Variants in DPP6 observed in about 807,000 individuals in gnomAD.
DPP6 encodes the protein dipeptidyl peptidase like 6, also known as A-type potassium channel modulatory protein DPP6.
DPP6 carries 69 observed loss-of-function variants against 122.6 expected under a neutral mutation model. The ratio of observed to expected loss-of-function variants is 0.56; its 90% CI spans 0.46 to 0.69. The LOEUF (loss-of-function observed/expected upper bound fraction) is 0.69. Ranked by LOEUF, DPP6 falls within the 30% of genes least tolerant of loss-of-function variation. The pLI, the probability that DPP6 is intolerant of heterozygous loss-of-function variation, is 0.00. For synonymous variants in DPP6, 418 were observed against 433.1 expected (o/e 0.97, Z 0.43); for missense variants, 928 against 1,116.9 (o/e 0.83, Z 2.41).
At chr7:154,029,869 G>A (rs1254740157) in intron 1 of DPP6, among the ~76,000 whole-genome samples, 1 of 142,750 alleles carries the variant, frequency 7.0e-6, no homozygotes, top group Non-Finnish European at 1.5e-5. Context: ...AAAGAAAAAA[G>A]AAAAAAAGAA....
At chr7:154,583,422 T>C (rs938254888) in intron 5 of DPP6, among the ~76,000 whole-genome samples, 1 of 152,218 alleles carries the variant, frequency 6.6e-6, no homozygotes, top group Admixed American at 6.5e-5. Context: ...GGCTGCCCTC[T>C]GGCTGCCTCC....
rs1039309413 is a variant in DPP6 at position 154,554,625 on chromosome 7, T to A, written c.553-12217T>A. 9.2e-5 allele frequency among the ~76,000 whole-genome samples: 14 copies of A among 152,194 alleles called. No individual in the cohort carries two copies. The East Asian group carries it at 9.6e-4, about 10-fold the overall frequency. Reference sequence around the variant, plus strand: ...CTAGAATTTTATATAAATGGGATCATCATACATGTAGACCAATATTTTTAA... The same window carrying A: ...CTAGAATTTTATATAAATGGGATCAACATACATGTAGACCAATATTTTTAA... On this transcript the variant is annotated intron_variant, in intron 4 of 25. Transcript: ENST00000377770.
rs1799813485 is a variant in DPP6 at position 154,821,900 on chromosome 7, A to G, written c.1666+14788A>G. Among the ~76,000 whole-genome samples, 1 of 152,070 alleles carries G rather than the reference A, an allele frequency of 6.6e-6. No individual in the cohort carries two copies. The highest frequency in any genetic ancestry group is 1.5e-5 in the Non-Finnish European group (1 of 68,014). On this transcript the variant is annotated intron_variant, in intron 16 of 25. Coordinates refer to ENST00000377770, the MANE Select transcript of DPP6 (RefSeq NM_130797.4). This position sits in a 1 kb window ranked among gnomAD's most constrained non-coding sequence, Gnocchi z 4.2. ...GTTAATCACCGTCATCCTCCAGGAA[A>G]TTCACAGTAAGCCTTTGCAGACCCA...
intron 1 of DPP6, among the ~76,000 whole-genome samples, chr7:154,014,466 C>T (rs1443129420): frequency 2.0e-5 from 3 of 150,566 alleles, no homozygotes; most frequent in Non-Finnish European, 4.4e-5. Flanking sequence ...ACCAACCTGC[C>T]CAACATGGTG....
intron 1 of DPP6, among the ~76,000 whole-genome samples, chr7:154,096,806 T>G (rs1805353533): frequency 6.6e-6 from 1 of 152,244 alleles, no homozygotes; most frequent in South Asian, 2.1e-4. Context: ...GATTTCTAGT[T>G]TATCCTTTCT....
chr7:154,507,705 A>T (rs540956862), intron 3 of DPP6, among the ~76,000 whole-genome samples: 1 of 152,276 alleles, frequency 6.6e-6, no homozygotes, highest in African/African-American at 2.4e-5. Flanking sequence ...CCCAATAAAG[A>T]AATCTCTCAG....
chr7:154,840,937 C>T (rs1166337676), intron 16 of DPP6, among the ~76,000 whole-genome samples: 1 of 152,196 alleles, frequency 6.6e-6, no homozygotes, highest in African/African-American at 2.4e-5. Flanking sequence ...CAATTGGCGA[C>T]TTGCTGTTAA....
Position 154,057,351 on chromosome 7 carries a change from C to T in DPP6, c.243+4288C>T, listed in dbSNP as rs192451609. The T allele has an allele frequency of 1.1e-4, 21 of 192,560 alleles. 1 individual carries two copies. The South Asian group carries it at 2.0e-3, about 18-fold the overall frequency. The allele number at this position is 192,560 out of a possible 1,614,324, so 11.9% of individuals were successfully genotyped here. A position where few individuals can be genotyped will look rare whatever the true frequency, so the allele number is the denominator to read the frequency against. ...TCACAGGGTGGGGAGACACCCCCCG[C>T]GAGGCGGGGACTGAGAGCCAGCCCC... On this transcript the variant is annotated intron_variant, in intron 1 of 25. Coordinates refer to ENST00000377770, the MANE Select transcript of DPP6 (RefSeq NM_130797.4).
chr7:154,250,542 T>C (rs1227257979), intron 1 of DPP6, among the ~76,000 whole-genome samples: 1 of 152,182 alleles, frequency 6.6e-6, no homozygotes, highest in Non-Finnish European at 1.5e-5. Flanking sequence ...TTCCTTACTT[T>C]TTCTGATCCT....
chr7:154,461,700 T>G (rs1177700890), intron 2 of DPP6, among the ~76,000 whole-genome samples: 5 of 152,170 alleles, frequency 3.3e-5, no homozygotes, highest in African/African-American at 1.2e-4. Context: ...CTTTTGCCCA[T>G]TTTTAATTGG....
At chr7:154,134,700 C>G (rs1296129851) in intron 1 of DPP6, among the ~76,000 whole-genome samples, 1 of 152,130 alleles carries the variant, frequency 6.6e-6, no homozygotes, top group African/African-American at 2.4e-5. Context: ...TTCCTTTGAG[C>G]GTACACTTCC....
At chr7:154,453,718 C>T (rs1444045335) in intron 2 of DPP6, among the ~76,000 whole-genome samples, 1 of 152,232 alleles carries the variant, frequency 6.6e-6, no homozygotes, top group East Asian at 1.9e-4. Flanking sequence ...CTCTCAAGGG[C>T]AACCTCATTT....
the DPP6 span, among the ~76,000 whole-genome samples, chr7:153,788,986 T>C: frequency 2.0e-5 from 3 of 150,946 alleles, no homozygotes; most frequent in Non-Finnish European, 3.0e-5. Flanking sequence ...AAAAAAGTAT[T>C]CCTGTTTGTT....
the DPP6 span, among the ~76,000 whole-genome samples, chr7:153,787,643 C>T: frequency 6.7e-6 from 1 of 148,262 alleles, no homozygotes; most frequent in Middle Eastern, 3.4e-3. Context: ...TGGTGGTACG[C>T]CCCTCTAGTC....
intron 1 of DPP6, among the ~76,000 whole-genome samples, chr7:154,130,044 G>A (rs761486685): frequency 6.6e-5 from 10 of 151,868 alleles, no homozygotes; most frequent in South Asian, 2.1e-4. Context: ...AGCCGAGATC[G>A]CGCCATTGCA....
At chr7:154,391,423 C>T (rs748890793) in intron 1 of DPP6, among the ~76,000 whole-genome samples, 5 of 152,162 alleles carry the variant, frequency 3.3e-5, no homozygotes, top group African/African-American at 4.8e-5. Context: ...TCTCCTAATC[C>T]CCTACTTGGC....
chr7:154,125,709 T>A (rs1437037875), intron 1 of DPP6, among the ~76,000 whole-genome samples: 1 of 152,210 alleles, frequency 6.6e-6, no homozygotes, highest in Non-Finnish European at 1.5e-5. Flanking sequence ...GGATGACCCC[T>A]GTGGCTAGAG....
At chr7:154,643,925 T>TA (rs1168714986) in intron 6 of DPP6, among the ~76,000 whole-genome samples, 2 of 152,104 alleles carry the variant, frequency 1.3e-5, no homozygotes, top group African/African-American at 4.8e-5. Flanking sequence ...CCAGGCAGGG[T>TA]AAAACATGAA....
intron 1 of DPP6, among the ~76,000 whole-genome samples, chr7:154,313,712 T>TGTATATATATATATATATGC (rs71965945): frequency 4.0e-5 from 1 of 24,914 alleles, no homozygotes. Flanking sequence ...TATATATATA[T>TGTATATATATATATATATGC]ATACACACAC....
Sources: allele counts gnomAD v4.1 joint callset (sites outside exome capture counted in the v4.1 genomes callset), GRCh38; gene constraint gnomAD v4.1.1; non-coding constraint Gnocchi (gnomAD v3.1); transcripts MANE v1.5; gene names NCBI Gene and HGNC (gene_info 2026-07-23, HGNC 2026-07-21).